The following CYP39A1 variants were observed in gnomAD, a reference collection of about 807,000 sequenced individuals.
CYP39A1 encodes 24-hydroxycholesterol 7-alpha-hydroxylase.
In CYP39A1, 49 loss-of-function variants were observed where a neutral mutation model predicts 58.1. That is an observed-to-expected ratio of 0.84 (90% CI 0.67 to 1.07). CYP39A1 has a LOEUF of 1.07. CYP39A1 is among the 50% of genes least tolerant of loss of function. The probability of loss-of-function intolerance (pLI) is 0.00; values close to 1 mark genes in which losing one functional copy is unlikely to be tolerated. For missense variants in CYP39A1, 531 were observed against 539.4 expected (o/e 0.98, Z 0.16); for synonymous variants, 209 against 187.6 (o/e 1.11, Z -0.93).
At chr6:46,613,398 G>A (rs865904453) in intron 7 of CYP39A1, among the ~76,000 whole-genome samples, 1 of 152,316 alleles carries the variant, frequency 6.6e-6, no homozygotes, top group African/African-American at 2.4e-5. Context: ...TGAAATTCAT[G>A]AATCCAACTG....
chr6:46,612,782 T>C (rs1193900925), intron 7 of CYP39A1, among the ~76,000 whole-genome samples: 1 of 152,244 alleles, frequency 6.6e-6, no homozygotes, highest in Non-Finnish European at 1.5e-5. Flanking sequence ...CTTCATTATT[T>C]TGGGCAATGC....
chr6:46,630,779 T>C (rs1775610318), intron 6 of CYP39A1, among the ~76,000 whole-genome samples, 184 bp downstream of exon 6: 1 of 152,224 alleles, frequency 6.6e-6, no homozygotes, highest in Non-Finnish European at 1.5e-5. Flanking sequence ...GTCTCCTTTG[T>C]AACCTAATCA....
chr6:46,567,238 T>G (rs1427961395), intron 10 of CYP39A1, among the ~76,000 whole-genome samples: 1 of 152,174 alleles, frequency 6.6e-6, no homozygotes. Context: ...AGGATTTGTC[T>G]TTCTGTGTGT....
chr6:46,575,663 A>G (rs1045611530), intron 10 of CYP39A1, among the ~76,000 whole-genome samples: 1 of 152,220 alleles, frequency 6.6e-6, no homozygotes, highest in East Asian at 1.9e-4. Context: ...CACTTTTGCC[A>G]GAAGCTCCAG....
At chr6:46,629,272 A>G (rs1349226762) in intron 6 of CYP39A1, among the ~76,000 whole-genome samples, 3 of 152,216 alleles carry the variant, frequency 2.0e-5, no homozygotes, top group Non-Finnish European at 2.9e-5. Flanking sequence ...TGTCAGATCA[A>G]TGGGGCTTTG....
intron 8 of CYP39A1, 46 bp downstream of exon 8, chr6:46,595,940 CT>C (rs765187804): frequency 9.9e-5 from 155 of 1,572,754 alleles, no homozygotes; most frequent in African/African-American, 2.8e-5. Context: ...AAAATGTGTA[CT>C]TTTTTTGTAG....
intron 5 of CYP39A1, among the ~76,000 whole-genome samples, chr6:46,633,395 C>T (rs1775773772): frequency 6.6e-6 from 1 of 152,218 alleles, no homozygotes; most frequent in East Asian, 1.9e-4. Flanking sequence ...GAAGAAATCA[C>T]ATTTTACATT....
At chr6:46,558,647 G>C (rs1234227489) in intron 10 of CYP39A1, among the ~76,000 whole-genome samples, 1 of 152,084 alleles carries the variant, frequency 6.6e-6, no homozygotes, top group Non-Finnish European at 1.5e-5. Context: ...AAGTAATCTG[G>C]GGGTAAATAT....
intron 10 of CYP39A1, chr6:46,586,509 A>G (rs1772481024): frequency 2.0e-6 from 2 of 985,102 alleles, no homozygotes; most frequent in Non-Finnish European, 2.4e-6. Context: ...GAACAAATAA[A>G]GATAACAATA....
In CYP39A1 at chr6:46,639,572, C is replaced by T. The variant is rs372135664; in HGVS notation, c.410G>A (p.Gly137Glu). The T allele has an allele frequency of 4.2e-4, 684 of 1,614,014 alleles. 6 individuals are homozygous for T. In the South Asian group the frequency reaches 7.2e-3, roughly 17 times the overall value. Residue 137 changes from glycine (G) to glutamate (E), a missense_variant, in exon 3 of 12, where the codon GGG (glycine) becomes GAG (glutamate). Gly to Glu is a moderately conservative substitution (Grantham distance 98, BLOSUM62 -2). Coordinates refer to ENST00000275016, the MANE Select transcript of CYP39A1 (RefSeq NM_016593.5). ...TTCATGTAATTCTTCAGTCAGTTGC[C>T]CAGTAAACTGATGGAGATTGACAGT... ...MGTVNLHQFT[G>E]QLTEELHEQL... is the part of the protein sequence containing the mutation.
chr6:46,578,635 A>T (rs567711803), intron 10 of CYP39A1, among the ~76,000 whole-genome samples: 3 of 152,180 alleles, frequency 2.0e-5, no homozygotes, highest in South Asian at 2.1e-4. Context: ...GAAATAATTT[A>T]AAAAACCCTC....
intron 10 of CYP39A1, among the ~76,000 whole-genome samples, chr6:46,562,857 T>C (rs887929992): frequency 7.9e-5 from 12 of 152,084 alleles, no homozygotes; most frequent in African/African-American, 2.9e-4. Context: ...ACATTTCCCT[T>C]AAAGATAAAT....
At chr6:46,577,934 A>G (rs1438020744) in intron 10 of CYP39A1, among the ~76,000 whole-genome samples, 2 of 152,124 alleles carry the variant, frequency 1.3e-5, no homozygotes, top group Non-Finnish European at 2.9e-5. Flanking sequence ...AATGGACCAA[A>G]CAGACATCTA....
chr6:46,609,245 C>CA (rs898720587), intron 7 of CYP39A1, among the ~76,000 whole-genome samples: 32 of 150,750 alleles, frequency 2.1e-4, no homozygotes, highest in African/African-American at 4.6e-4. Context: ...GCTAAATATA[C>CA]AAAAAAAATT....
chr6:46,568,414 A>G (rs1051785415), intron 10 of CYP39A1, among the ~76,000 whole-genome samples: 5 of 152,046 alleles, frequency 3.3e-5, no homozygotes, highest in African/African-American at 1.2e-4. Context: ...ATAAAGTCCA[A>G]TTTTGTCTAT....
chr6:46,585,322 TATAGATAGATAGATAG>T (rs3837039), intron 10 of CYP39A1, among the ~76,000 whole-genome samples: 5 of 149,726 alleles, frequency 3.3e-5, no homozygotes, highest in Non-Finnish European at 5.9e-5. Flanking sequence ...TTGCTATTGG[TATAGATAGATAGATAG>T]ATAGATAGAT....
chr6:46,622,545 C>T (rs1003127926), intron 7 of CYP39A1, among the ~76,000 whole-genome samples: 2 of 151,810 alleles, frequency 1.3e-5, no homozygotes, highest in Admixed American at 6.6e-5. Context: ...CCCAGGAGCT[C>T]GAGGCTGTAG....
At chr6:46,569,508 G>C (rs909650237) in intron 10 of CYP39A1, among the ~76,000 whole-genome samples, 1 of 152,006 alleles carries the variant, frequency 6.6e-6, no homozygotes, top group Non-Finnish European at 1.5e-5. Context: ...CTGTGGGCTT[G>C]TCATATATGG....
chr6:46,550,453 C>A lies in CYP39A1; in HGVS notation c.1339-16G>T, dbSNP rs769014172. 6.2e-7 allele frequency: 1 copy of A among 1,604,180 alleles called. No individual in the cohort carries two copies. The highest frequency in any genetic ancestry group is 8.5e-7 in the Non-Finnish European group (1 of 1,174,000). On this transcript the variant is annotated splice_polypyrimidine_tract_variant and intron_variant, in intron 11 of 11. Coordinates refer to ENST00000275016, the MANE Select transcript of CYP39A1 (RefSeq NM_016593.5). ...GGAGATAACTCTAAAAACAGAAATG[C>A]AGAAGAAATAGAAATTAAGAGACAT...
Sources: gnomAD v4.1 joint callset for allele counts (sites outside exome capture counted in the v4.1 genomes callset) on GRCh38, gnomAD v4.1.1 for gene constraint, MANE v1.5 for transcripts, NCBI Gene and HGNC (gene_info 2026-07-23, HGNC 2026-07-21) for gene names.